The following TIMM17A variants were observed in gnomAD, a reference collection of about 807,000 sequenced individuals.
TIMM17A encodes the protein mitochondrial import inner membrane translocase subunit Tim17-A.
In TIMM17A, 15 loss-of-function variants were observed where a neutral mutation model predicts 26.5. That is an observed-to-expected ratio of 0.57 (90% CI 0.38 to 0.87). The LOEUF (loss-of-function observed/expected upper bound fraction) is 0.87, where lower values mean the gene tolerates loss of function less well. TIMM17A is among the 40% of genes least tolerant of loss of function. The pLI, the probability that TIMM17A is intolerant of heterozygous loss-of-function variation, is 0.00. For synonymous variants in TIMM17A, 80 were observed against 70.8 expected (o/e 1.13, Z -0.66); for missense variants, 201 against 210.0 (o/e 0.96, Z 0.27).
chr1:201,956,084 T>C (rs895385511), intron 1 of TIMM17A, among the ~76,000 whole-genome samples: 1 of 152,200 alleles, frequency 6.6e-6, no homozygotes, highest in East Asian at 1.9e-4. Flanking sequence ...GCTTCTTTAT[T>C]GCGTGGGGCC....
At chr1:201,961,066 CT>C (rs71141429) in intron 3 of TIMM17A, among the ~76,000 whole-genome samples, 185 of 136,000 alleles carry the variant, frequency 1.4e-3, no homozygotes, top group Admixed American at 1.3e-3. Context: ...CTTATATTTT[CT>C]TTTTTTTTTT....
At chr1:201,962,920 T>G (rs572935261) in intron 3 of TIMM17A, 1 of 152,162 alleles carries the variant, frequency 6.6e-6, no homozygotes, top group Non-Finnish European at 1.5e-5. Flanking sequence ...AGGCCAAAAA[T>G]AGAGGTAAGT....
At chr1:201,964,069 T>A (rs529098989) in intron 4 of TIMM17A, among the ~76,000 whole-genome samples, 1 of 152,102 alleles carries the variant, frequency 6.6e-6, no homozygotes, top group South Asian at 2.1e-4. Context: ...GGCAACAGAG[T>A]GAGACCCTGC....
intron 3 of TIMM17A, among the ~76,000 whole-genome samples, chr1:201,959,828 A>T (rs1339760068): frequency 6.7e-6 from 1 of 148,806 alleles, no homozygotes; most frequent in African/African-American, 2.5e-5. Context: ...CTAAAAATAC[A>T]AAAAAAAACA....
intron 5 of TIMM17A, among the ~76,000 whole-genome samples, chr1:201,967,517 T>TTTTA (rs144257538): frequency 2.1e-5 from 3 of 142,836 alleles, no homozygotes; most frequent in Admixed American, 7.0e-5. Flanking sequence ...GGAATCTCCT[T>TTTTA]TTTATTTATT....
chr1:201,963,772 A>G (rs1682575806), intron 4 of TIMM17A, 28 bp downstream of exon 4: 1 of 1,567,270 alleles, frequency 6.4e-7, no homozygotes, highest in African/African-American at 1.4e-5. Context: ...ACATACTAGT[A>G]GAAGCCACAC....
intron 5 of TIMM17A, among the ~76,000 whole-genome samples, chr1:201,966,873 T>TTATATA (rs113486134): frequency 1.4e-5 from 2 of 146,692 alleles, no homozygotes; most frequent in East Asian, 3.9e-4. Flanking sequence ...CATATATATG[T>TTATATA]TATATATATG....
At position 201,970,195 on chromosome 1, in the gene TIMM17A, G is replaced by A. The variant is rs1389906106; in HGVS notation, c.*641G>A. ...AAAACTCTCTTCCTTTAGGGCTACT[G>A]AGTCTTGATTCCTGATCATCAGAAA... On this transcript the variant is annotated 3_prime_UTR_variant, in exon 6 of 6. Transcript: ENST00000367287. 6.6e-6 allele frequency: 1 copy of A among 152,210 alleles called. No individual in the cohort carries two copies. The highest frequency in any genetic ancestry group is 6.5e-5 in the Admixed American group (1 of 15,276). 9.4% of individuals were successfully genotyped at this position (152,210 alleles called of 1,614,324 possible).
chr1:201,961,580 G>A (rs1030794210), intron 3 of TIMM17A, among the ~76,000 whole-genome samples: 1 of 152,050 alleles, frequency 6.6e-6, no homozygotes, highest in Non-Finnish European at 1.5e-5. Context: ...GGCCAGAAGT[G>A]GTAGCTCACA....
rs374918036 is a variant in TIMM17A at position 201,958,778 on chromosome 1, C to T, written c.190+1204C>T. On this transcript the variant is annotated intron_variant, in intron 3 of 5. Transcript: ENST00000367287. ...CATGAAAAAATCTTAATACTTCAGTCGTTCCTTAGATGTTTTGGGTATCAA... is the reference window on the plus strand; with the variant it reads ...CATGAAAAAATCTTAATACTTCAGTTGTTCCTTAGATGTTTTGGGTATCAA... 1.2e-4 allele frequency among the ~76,000 whole-genome samples: 19 copies of T among 152,290 alleles called. No homozygotes were observed. The East Asian group carries it at 3.5e-3, about 28-fold the overall frequency.
rs1291550579 is a variant in TIMM17A, at chr1:201,970,059, A to T, written c.*505A>T. 2 of 153,004 alleles carry T rather than the reference A, an allele frequency of 1.3e-5. No individual in the cohort carries two copies. Among genetic ancestry groups the T allele is most frequent in the African/African-American group, 4.8e-5 (2 of 41,462 alleles). The allele number at this position is 153,004 out of a possible 1,614,324, so 9.5% of individuals were successfully genotyped here. ...CTTCTGAGAATTATGCAGAGTCAAC[A>T]TGGATCATTTCACAGTGAGATGCTT... is the stretch of plus-strand genomic sequence containing the variant. On this transcript the variant is annotated 3_prime_UTR_variant, in exon 6 of 6. Transcript: ENST00000367287.
intron 3 of TIMM17A, chr1:201,962,981 T>A (rs906592811): frequency 1.3e-5 from 2 of 152,282 alleles, no homozygotes; most frequent in African/African-American, 4.8e-5. Context: ...TAGTTTGATT[T>A]TGTTTATTGC....
At chr1:201,961,282 G>T (rs1682523044) in intron 3 of TIMM17A, among the ~76,000 whole-genome samples, 1 of 151,970 alleles carries the variant, frequency 6.6e-6, no homozygotes, top group African/African-American at 2.4e-5. Context: ...GCCCAGGCTG[G>T]TCTCGAACTC....
At chr1:201,964,970 G>A (rs1445801357) in intron 4 of TIMM17A, among the ~76,000 whole-genome samples, 1 of 149,920 alleles carries the variant, frequency 6.7e-6, no homozygotes, top group Non-Finnish European at 1.5e-5. Context: ...TTATTTTCTT[G>A]AGACGGAGTC....
At chr1:201,955,718 C>G (rs957909463) in intron 1 of TIMM17A, among the ~76,000 whole-genome samples, 166 bp downstream of exon 1, 1 of 152,238 alleles carries the variant, frequency 6.6e-6, no homozygotes, top group Non-Finnish European at 1.5e-5. Context: ...CTTCTTAGCC[C>G]TGTACTTAGT....
rs370366725 is a variant in TIMM17A at position 201,963,860 on chromosome 1, T to C, written c.319+116T>C. The C allele has an allele frequency of 9.7e-5, 114 of 1,169,274 alleles. 5 individuals carry two copies. Among genetic ancestry groups the C allele is most frequent in the East Asian group, 3.9e-4 (14 of 36,292 alleles). The allele number at this position is 1,169,274 out of a possible 1,614,324, so 72.4% of individuals were successfully genotyped here. A position where few individuals can be genotyped will look rare whatever the true frequency, so the allele number is the denominator to read the frequency against. On this transcript the variant is annotated intron_variant, in intron 4 of 5. Transcript: ENST00000367287. The stretch of plus-strand genomic sequence containing the variant: ...CTGATTATTGACCAGGCACATTGGC[T>C]CATGACTATAATTCCATCACTTGGG...
chr1:201,963,598 C>T lies in TIMM17A; in HGVS notation c.191-18C>T, dbSNP rs1254810843. 1.3e-6 allele frequency: 2 copies of T among 1,589,254 alleles called. No individual in the cohort carries two copies. On this transcript the variant is annotated intron_variant, in intron 3 of 5. Coordinates refer to ENST00000367287, the MANE Select transcript of TIMM17A (RefSeq NM_006335.3). ...AATTTAAATTAGTATTTGCTTGTTT[C>T]TTTTTACAATAAAATAGGTAGCTTT...
chr1:201,964,635 CTTTTTTTTTTTTTTTTTTTT>C (rs570309464), intron 4 of TIMM17A, among the ~76,000 whole-genome samples: 2 of 90,954 alleles, frequency 2.2e-5, no homozygotes, highest in African/African-American at 1.0e-4. Flanking sequence ...TATTTTATTT[CTTTTTTTTTTTTTTTTTTTT>C]TTTTTTTTTT....
rs2102945328 is a variant in TIMM17A, at chr1:201,965,477, C to T, written c.364C>T (p.Leu122Phe). 1 of 1,614,168 alleles carries T rather than the reference C, an allele frequency of 6.2e-7. No homozygotes were observed. Among genetic ancestry groups the T allele is most frequent in the East Asian group, 2.2e-5 (1 of 44,888 alleles). The change falls in exon 5 of 6, where the codon CTC becomes TTC. Residue 122 changes from leucine to phenylalanine, a missense_variant. By Grantham distance (22) the Leu-to-Phe change is conservative. Coordinates refer to ENST00000367287, the MANE Select transcript of TIMM17A (RefSeq NM_006335.3). ...TGGGTCAGCCGCAATGGGTGGCATT[C>T]TCCTAGCTTTAATTGAAGGAGCTGG... Reference protein sequence around the residue: ...MVGSAAMGGILLALIEGAGIL... With the variant: ...MVGSAAMGGIFLALIEGAGIL...
Sources: gnomAD v4.1 joint callset for allele counts (sites outside exome capture counted in the v4.1 genomes callset) on GRCh38, gnomAD v4.1.1 for gene constraint, MANE v1.5 for transcripts, NCBI Gene and HGNC (gene_info 2026-07-23, HGNC 2026-07-21) for gene names.